The following SZT2 variants were observed in gnomAD, a reference collection of about 807,000 sequenced individuals.
The protein encoded by SZT2 is SZT2 subunit of KICSTOR complex, also known as KICSTOR complex protein SZT2.
SZT2 carries 216 observed loss-of-function variants against 404.2 expected under a neutral mutation model. That is an observed-to-expected ratio of 0.53 (90% CI 0.48 to 0.60). The LOEUF (loss-of-function observed/expected upper bound fraction) is 0.60, where lower values mean the gene tolerates loss of function less well. Among genes scored for constraint, SZT2 ranks in the 20% least tolerant of loss-of-function variants. The pLI is 0.00. For missense variants in SZT2, 3,857 were observed against 4,459.2 expected, an observed-to-expected ratio of 0.86 and a Z score of 3.85; for synonymous variants, 1,693 against 1,749.9, an observed-to-expected ratio of 0.97 and a Z score of 0.81.
Position 43,448,237 on chromosome 1 carries a change from C to T in SZT2, c.9722C>T (p.Ala3241Val), listed in dbSNP as rs201246816. 252 of 1,595,124 alleles carry T rather than the reference C, an allele frequency of 1.6e-4. 1 individual carries two copies. Among genetic ancestry groups the T allele is most frequent in the Middle Eastern group, 1.7e-4 (1 of 6,022 alleles). The change falls in exon 69 of 72, where the codon GCG becomes GTG. Residue 3241 changes from alanine (A) to valine (V), a missense_variant. By Grantham distance (64) the Ala-to-Val change is moderately conservative. Coordinates refer to ENST00000634258, the MANE Select transcript of SZT2 (RefSeq NM_001365999.1). The surrounding 1 kb of genome is among the most constrained non-coding windows in gnomAD (Gnocchi z 4.2). ...GGGGAGGCCTCAGGGCTTATTCTAG[C>T]GCCTGGACCGGCTCCTCTGTTCCCA... ...SPGEASGLIL[A>V]PGPAPLFPPL... is the part of the protein sequence containing the mutation.
At chr1:43,393,814 T>C (rs1222583470) in intron 1 of SZT2, among the ~76,000 whole-genome samples, 1 of 152,224 alleles carries the variant, frequency 6.6e-6, no homozygotes, top group African/African-American at 2.4e-5. Flanking sequence ...TTGGTATAAA[T>C]GGTATGTAGA....
intron 3 of SZT2, chr1:43,403,980 C>T (rs568920069): frequency 2.3e-5 from 14 of 601,308 alleles, no homozygotes; most frequent in Admixed American, 3.0e-5. Flanking sequence ...GAAGCCAAGG[C>T]GGGCTGATTA....
At chr1:43,403,957 C>G (rs1488019347) in intron 3 of SZT2, 183 bp downstream of exon 3, 1 of 689,672 alleles carries the variant, frequency 1.4e-6, no homozygotes, top group African/African-American at 1.8e-5. Flanking sequence ...TGCCTACAAT[C>G]CCAGTGCTTT....
At chr1:43,408,439 A>T (rs1650604595) in intron 4 of SZT2, among the ~76,000 whole-genome samples, 2 of 151,176 alleles carry the variant, frequency 1.3e-5, no homozygotes, top group African/African-American at 4.9e-5. Flanking sequence ...ATTGTTTTAA[A>T]TTTTTTTGTA....
rs763944418 is a variant in SZT2, at chr1:43,429,695, C to T, written c.4167-8C>T. ...TAACACTTCAACATCCTTACCCCAA[C>T]CATTCAGCATAGAGACCGAGGACCT... On this transcript the variant is annotated splice_polypyrimidine_tract_variant and splice_region_variant and intron_variant, in intron 28 of 71. Transcript: ENST00000634258. 1 of 1,614,214 alleles carries T rather than the reference C, an allele frequency of 6.2e-7. No homozygotes were observed. The highest frequency in any genetic ancestry group is 8.5e-7 in the Non-Finnish European group (1 of 1,180,044).
At chr1:43,395,941 T>G (rs1398952524) in intron 1 of SZT2, among the ~76,000 whole-genome samples, 1 of 152,222 alleles carries the variant, frequency 6.6e-6, no homozygotes, top group Non-Finnish European at 1.5e-5. Flanking sequence ...AACAACACTC[T>G]TAAGCTTCAC....
intron 4 of SZT2, among the ~76,000 whole-genome samples, chr1:43,411,769 CTTTTTTTTTTTT>C (rs386366817): frequency 1.1e-4 from 8 of 74,058 alleles, no homozygotes; most frequent in South Asian, 6.4e-4. Context: ...CATCCACTAT[CTTTTTTTTTTTT>C]TTTTTTTTTT....
chr1:43,426,279 G>C lies in SZT2; in HGVS notation c.3044-89G>C, dbSNP rs1325424284. On this transcript the variant is annotated intron_variant, in intron 21 of 71. Coordinates refer to ENST00000634258, the MANE Select transcript of SZT2 (RefSeq NM_001365999.1). This position sits in a 1 kb window ranked among gnomAD's most constrained non-coding sequence, Gnocchi z 4.9. ...GGTGGGGGCAGGAGGAGCCCATGAG[G>C]CTGAAGGAGGGGCCAGCTGGTCAGG... 1 of 1,496,936 alleles carries C rather than the reference G, an allele frequency of 6.7e-7. No individual in the cohort carries two copies. The highest frequency in any genetic ancestry group is 1.4e-5 in the African/African-American group (1 of 72,290). 92.7% of individuals were successfully genotyped at this position (1,496,936 alleles called of 1,614,324 possible). A position where few individuals can be genotyped will look rare whatever the true frequency, so the allele number is the denominator to read the frequency against.
intron 4 of SZT2, 80 bp downstream of exon 4, chr1:43,404,630 GCTGTTTGTC>G: frequency 6.8e-7 from 1 of 1,462,000 alleles, no homozygotes; most frequent in Non-Finnish European, 9.3e-7. Context: ...TCCTGTCTCT[GCTGTTTGTC>G]CCCAAAGTCC....
rs1476708360 is a variant in SZT2, at chr1:43,438,709, C to T, written c.6519C>T (p.Ile2173=). The T allele has an allele frequency of 6.2e-7, 1 of 1,614,036 alleles. No individual in the cohort carries two copies. Among genetic ancestry groups the T allele is most frequent in the South Asian group, 1.1e-5 (1 of 91,060 alleles). ...VHGVGQAGPE[I]TDELVRVLCR... is the part of the protein sequence containing the mutation. ...CATGGCTGTGTCAAGGTCCTGAGAT[C>T]ACGGATGAGCTCGTGCGAGTTCTAT... Residue 2173 remains isoleucine (I), a synonymous_variant, in exon 47 of 72, where the codon ATC becomes ATT. Coordinates refer to ENST00000634258, the MANE Select transcript of SZT2 (RefSeq NM_001365999.1).
rs1308364337 is a variant in SZT2, at chr1:43,448,606, C to T, written c.9970-6C>T. 1.9e-6 allele frequency: 3 copies of T among 1,614,030 alleles called. No individual in the cohort carries two copies. The highest frequency in any genetic ancestry group is 1.3e-5 in the African/African-American group (1 of 74,912). ...AGAAGACTCAGGCCTGTGGCTCCTC[C>T]CTCAGGACTGCTTCCTATCCATGAC... On this transcript the variant is annotated splice_polypyrimidine_tract_variant and splice_region_variant and intron_variant, in intron 69 of 71. Coordinates refer to ENST00000634258, the MANE Select transcript of SZT2 (RefSeq NM_001365999.1). The surrounding 1 kb of genome is among the most constrained non-coding windows in gnomAD (Gnocchi z 4.2).
intron 46 of SZT2, 147 bp from the exon 47 acceptor site, chr1:43,438,552 A>G (rs1433007924): frequency 1.2e-5 from 9 of 720,744 alleles, no homozygotes; most frequent in Non-Finnish European, 2.1e-5. Context: ...CAGAATTGGA[A>G]CCTAGTGCTG....
In SZT2 at chr1:43,416,525, C is replaced by A; in HGVS notation, c.773-10C>A. The A allele has an allele frequency of 6.3e-7, 1 of 1,597,034 alleles. No homozygotes were observed. Among genetic ancestry groups the A allele is most frequent in the Non-Finnish European group, 8.5e-7 (1 of 1,179,066 alleles). ...TGTCTCCAGGTCTGATCTGGTGTTT[C>A]CTGCTCCAGGGATTATCGTGATCAC... On this transcript the variant is annotated splice_polypyrimidine_tract_variant and intron_variant, in intron 6 of 71. Transcript: ENST00000634258.
rs1267534178 is a variant in SZT2 at position 43,416,499 on chromosome 1, G to GT, written c.773-35dup. 3.8e-6 allele frequency: 6 copies of GT among 1,572,670 alleles called. No homozygotes were observed. The East Asian group carries it at 1.3e-4, about 35-fold the overall frequency. On this transcript the variant is annotated intron_variant, in intron 6 of 71. Transcript: ENST00000634258. ...CCTCCCTGTGAGTTTGGTCTGGCCA[G>GT]TGTCTCCAGGTCTGATCTGGTGTTT...
chr1:43,413,003 G>A (rs924800820), intron 4 of SZT2, among the ~76,000 whole-genome samples: 2 of 152,290 alleles, frequency 1.3e-5, no homozygotes, highest in East Asian at 1.9e-4. Flanking sequence ...CAAAAGACAG[G>A]CAATAACATG....
Position 43,421,305 on chromosome 1 carries a change from T to C in SZT2, c.1626+2T>C, listed in dbSNP as rs1190258239. ...ATCCCTCCAGGCTCCACCACCCCGG[T>C]GAGTAGCTCTGAAGTATAGTAGCCC... On this transcript the variant is annotated splice_donor_variant, in intron 11 of 71. Coordinates refer to ENST00000634258, the MANE Select transcript of SZT2 (RefSeq NM_001365999.1). LOFTEE classifies it high-confidence loss of function. 1 of 1,598,316 alleles carries C rather than the reference T, an allele frequency of 6.3e-7. No homozygotes were observed. Among genetic ancestry groups the C allele is most frequent in the East Asian group, 2.2e-5 (1 of 44,882 alleles).
At chr1:43,397,190 G>A (rs1165615103) in intron 1 of SZT2, among the ~76,000 whole-genome samples, 1 of 152,106 alleles carries the variant, frequency 6.6e-6, no homozygotes, top group East Asian at 1.9e-4. Flanking sequence ...CCAGCACTTT[G>A]GGAGGCTGAG....
In SZT2 at chr1:43,403,703, C is replaced by G; in HGVS notation, c.256C>G (p.Arg86Gly). ...GCCATTCCTCCTGGTACCTTCCACCCGGGTCACCTTCCTGGCTTGGCAGTA... is the reference window on the plus strand; with the variant it reads ...GCCATTCCTCCTGGTACCTTCCACCGGGGTCACCTTCCTGGCTTGGCAGTA... ...PRPFLLVPST[R>G]VTFLAWQYRF... Residue 86 changes from arginine to glycine, a missense_variant, in exon 3 of 72, where the codon CGG (arginine) becomes GGG (glycine). This residue lies in a region of SZT2 where 536 missense variants were observed against 637.4 expected (regional missense o/e 0.84). Coordinates refer to ENST00000634258, the MANE Select transcript of SZT2 (RefSeq NM_001365999.1). 1.2e-6 allele frequency: 2 copies of G among 1,614,120 alleles called. No individual in the cohort carries two copies. Among genetic ancestry groups the G allele is most frequent in the Non-Finnish European group, 1.7e-6 (2 of 1,180,036 alleles).
intron 4 of SZT2, 115 bp from the exon 5 acceptor site, chr1:43,414,967 T>G: frequency 7.5e-7 from 1 of 1,328,796 alleles, no homozygotes. Flanking sequence ...TAGACCCTGG[T>G]TGGGTAGGAA....
Sources: allele counts gnomAD v4.1 joint callset (sites outside exome capture counted in the v4.1 genomes callset), GRCh38; gene constraint gnomAD v4.1.1; regional missense constraint gnomAD v4.1.1; non-coding constraint Gnocchi (gnomAD v3.1); transcripts MANE v1.5; gene names NCBI Gene and HGNC (gene_info 2026-07-23, HGNC 2026-07-21).